Variants in TRPC4 observed in about 807,000 individuals in gnomAD.
TRPC4 encodes short transient receptor potential channel 4.
TRPC4 carries 49 observed loss-of-function variants against 99.4 expected under a neutral mutation model. The observed-to-expected ratio is 0.49, with a 90% CI of 0.39 to 0.63. The LOEUF (loss-of-function observed/expected upper bound fraction) is 0.63. TRPC4 is among the 20% of genes least tolerant of loss of function. TRPC4 has a pLI of 0.00. For synonymous variants in TRPC4, 454 were observed against 425.9 expected (o/e 1.07, Z -0.81); for missense variants, 898 against 1,152.9 (o/e 0.78, Z 3.20).
chr13:37,712,826 C>A (rs978930482), intron 3 of TRPC4, among the ~76,000 whole-genome samples: 2 of 152,056 alleles, frequency 1.3e-5, no homozygotes, highest in Admixed American at 1.3e-4. Flanking sequence ...ATCTCATGTG[C>A]CTGAGATCTT....
intron 3 of TRPC4, among the ~76,000 whole-genome samples, chr13:37,745,457 T>TACGCATATATATATATATATGC (rs1425593668): frequency 7.0e-3 from 56 of 8,020 alleles, no homozygotes; most frequent in Non-Finnish European, 0.022. Flanking sequence ...TATATATATA[T>TACGCATATATATATATATATGC]ATATATATAT....
At chr13:37,740,504 G>A (rs978580341) in intron 3 of TRPC4, among the ~76,000 whole-genome samples, 5 of 152,140 alleles carry the variant, frequency 3.3e-5, no homozygotes, top group Non-Finnish European at 5.9e-5. Context: ...GACAAGTAGG[G>A]TTCTAGGCAG....
chr13:37,686,030 T>C (rs1953461687), intron 4 of TRPC4, among the ~76,000 whole-genome samples: 1 of 152,124 alleles, frequency 6.6e-6, no homozygotes, highest in Non-Finnish European at 1.5e-5. Flanking sequence ...AGTCTGCAGC[T>C]TGTGTTTGAG....
At chr13:37,856,485 T>G (rs781492754) in intron 1 of TRPC4, among the ~76,000 whole-genome samples, 1 of 150,860 alleles carries the variant, frequency 6.6e-6, no homozygotes, top group Non-Finnish European at 1.5e-5. Context: ...ACTCAGACTA[T>G]TCCAAAAAAC....
intron 1 of TRPC4, among the ~76,000 whole-genome samples, chr13:37,836,668 A>T (rs982897105): frequency 6.6e-6 from 1 of 152,192 alleles, no homozygotes; most frequent in African/African-American, 2.4e-5. Flanking sequence ...TGTTAAAGGC[A>T]TTCAGTTTTA....
intron 3 of TRPC4, among the ~76,000 whole-genome samples, chr13:37,722,388 T>G (rs1347735776): frequency 1.3e-5 from 2 of 152,178 alleles, no homozygotes; most frequent in African/African-American, 2.4e-5. Context: ...AAAAAAGGCT[T>G]GATTAGGTTA....
chr13:37,790,247 C>T (rs1317685821), intron 1 of TRPC4, among the ~76,000 whole-genome samples: 1 of 151,626 alleles, frequency 6.6e-6, no homozygotes, highest in African/African-American at 2.4e-5. Context: ...TAGTAATGAC[C>T]AACAACTTTA....
At chr13:37,749,659 T>C (rs376043721) in intron 2 of TRPC4, among the ~76,000 whole-genome samples, 1 of 152,114 alleles carries the variant, frequency 6.6e-6, no homozygotes, top group East Asian at 1.9e-4. Flanking sequence ...TATTACATGG[T>C]TTTTGAAAGT....
chr13:37,737,372 T>C lies in TRPC4; in HGVS notation c.897+8565A>G, dbSNP rs559417872. Among the ~76,000 whole-genome samples, 75 of 152,210 alleles carry C rather than the reference T, an allele frequency of 4.9e-4. 1 individual carries two copies. The South Asian group carries it at 0.013, about 27-fold the overall frequency. Reference sequence around the variant, plus strand: ...GCAACATATTTTAGAGAAGAGAAAATAGAAATGCAAAGGATAAGTTGTCCA... The same window carrying C: ...GCAACATATTTTAGAGAAGAGAAAACAGAAATGCAAAGGATAAGTTGTCCA... On this transcript the variant is annotated intron_variant, in intron 3 of 10. Coordinates refer to ENST00000379705, the MANE Select transcript of TRPC4 (RefSeq NM_016179.4).
chr13:37,854,716 C>A (rs1338006107), intron 1 of TRPC4: 1 of 152,036 alleles, frequency 6.6e-6, no homozygotes, highest in African/African-American at 2.4e-5. Flanking sequence ...TATTTGCAAG[C>A]CTCATGGTAA....
At chr13:37,701,856 G>A (rs753637499) in intron 3 of TRPC4, among the ~76,000 whole-genome samples, 5 of 152,080 alleles carry the variant, frequency 3.3e-5, no homozygotes, top group Admixed American at 6.5e-5. Flanking sequence ...ATCTCCATAT[G>A]GTATTGAGAT....
chr13:37,665,442 C>T (rs1952609543), intron 5 of TRPC4, among the ~76,000 whole-genome samples: 1 of 152,148 alleles, frequency 6.6e-6, no homozygotes, highest in African/African-American at 2.4e-5. Flanking sequence ...ATAATGCAAT[C>T]ATTTTCTTGA....
intron 2 of TRPC4, among the ~76,000 whole-genome samples, chr13:37,754,262 C>T (rs1956037314): frequency 1.3e-5 from 2 of 152,172 alleles, no homozygotes; most frequent in African/African-American, 4.8e-5. Flanking sequence ...TTCCTCCTTC[C>T]TTTTGTGGTT....
At chr13:37,670,519 T>C (rs1952804023) in intron 5 of TRPC4, among the ~76,000 whole-genome samples, 1 of 152,206 alleles carries the variant, frequency 6.6e-6, no homozygotes, top group African/African-American at 2.4e-5. Flanking sequence ...GAATCTATTA[T>C]TTACTACGGA....
At chr13:37,654,751 G>A (rs556930046) in intron 7 of TRPC4, among the ~76,000 whole-genome samples, 2 of 152,226 alleles carry the variant, frequency 1.3e-5, no homozygotes, top group East Asian at 3.9e-4. Flanking sequence ...TAGGTTAAAT[G>A]GACCGACAGG....
chr13:37,782,182 G>GGAA (rs1164790956), intron 2 of TRPC4, among the ~76,000 whole-genome samples: 2 of 152,016 alleles, frequency 1.3e-5, no homozygotes, highest in Non-Finnish European at 2.9e-5. Flanking sequence ...AGTTACAAAG[G>GGAA]GAAGAGTCCA....
intron 3 of TRPC4, among the ~76,000 whole-genome samples, chr13:37,701,276 A>G (rs747085244): frequency 1.3e-5 from 2 of 152,116 alleles, no homozygotes; most frequent in Non-Finnish European, 2.9e-5. Flanking sequence ...GCGTAATTTT[A>G]TTTTTTATTC....
intron 3 of TRPC4, among the ~76,000 whole-genome samples, chr13:37,731,304 A>T (rs185743152): frequency 2.0e-5 from 3 of 152,100 alleles, no homozygotes; most frequent in Admixed American, 6.6e-5. Context: ...AAAACACTCA[A>T]TTCACACAGT....
chr13:37,724,509 T>A (rs1281946737), intron 3 of TRPC4, among the ~76,000 whole-genome samples: 1 of 152,216 alleles, frequency 6.6e-6, no homozygotes, highest in Non-Finnish European at 1.5e-5. Context: ...TACATTATCA[T>A]ATTATGATGA....
Sources: allele counts gnomAD v4.1 joint callset (sites outside exome capture counted in the v4.1 genomes callset), GRCh38; gene constraint gnomAD v4.1.1; transcripts MANE v1.5; gene names NCBI Gene and HGNC (gene_info 2026-07-23, HGNC 2026-07-21).